CTNNA2: variants seen among roughly 807,000 people sequenced by gnomAD.
CTNNA2 encodes the protein catenin alpha 2, also known as catenin alpha-2.
A neutral mutation model predicts 101.0 loss-of-function variants in CTNNA2; 42 were observed. That is an observed-to-expected ratio of 0.42 (90% CI 0.32 to 0.54). The LOEUF is 0.54. CTNNA2 is among the 20% of genes least tolerant of loss of function. The probability of loss-of-function intolerance (pLI) is 0.14; values close to 1 mark genes in which losing one functional copy is unlikely to be tolerated. For synonymous variants in CTNNA2, 450 were observed against 456.4 expected, an observed-to-expected ratio of 0.99 and a Z score of 0.18; for missense variants, 871 against 1,223.1, an observed-to-expected ratio of 0.71 and a Z score of 4.29.
intron 2 of CTNNA2, among the ~76,000 whole-genome samples, chr2:79,743,921 T>A (rs1166179921): frequency 1.3e-5 from 2 of 152,082 alleles, no homozygotes; most frequent in East Asian, 3.9e-4. Flanking sequence ...AAGTACCGGG[T>A]GTTGGCTACT....
At chr2:79,364,867 T>C (rs1677709722) in intron 3 of CTNNA2, among the ~76,000 whole-genome samples, 1 of 152,236 alleles carries the variant, frequency 6.6e-6, no homozygotes, top group East Asian at 1.9e-4. Context: ...TTTATTTAAA[T>C]TTTGTATATT....
chr2:80,382,858 T>C (rs1202537364), intron 7 of CTNNA2, among the ~76,000 whole-genome samples: 1 of 152,228 alleles, frequency 6.6e-6, no homozygotes, highest in East Asian at 1.9e-4. Flanking sequence ...TTGGGGAATA[T>C]GCACTTAAAA....
intron 1 of CTNNA2, among the ~76,000 whole-genome samples, chr2:79,605,594 A>C (rs1327805269): frequency 6.6e-6 from 1 of 152,102 alleles, no homozygotes; most frequent in East Asian, 1.9e-4. Flanking sequence ...ATATGGAAAC[A>C]GTATATTTCT....
At position 80,371,328 on chromosome 2, in the gene CTNNA2, C is replaced by T. The variant is rs559993400; in HGVS notation, c.1057-21883C>T. On this transcript the variant is annotated intron_variant, in intron 7 of 18. Coordinates refer to ENST00000402739, the MANE Select transcript of CTNNA2 (RefSeq NM_001282597.3). ...GCCAATTCTGATTTTAACATTTACC[C>T]ATAGCAGTCATTATCAGCAAATATG... Among the ~76,000 whole-genome samples, 3 of 152,268 alleles carry T rather than the reference C, an allele frequency of 2.0e-5. No homozygotes were observed. In the East Asian group the frequency reaches 5.8e-4, roughly 29 times the overall value.
intron 4 of CTNNA2, among the ~76,000 whole-genome samples, chr2:79,401,806 AAAAT>A (rs1380548144): frequency 6.6e-6 from 1 of 151,608 alleles, no homozygotes; most frequent in Non-Finnish European, 1.5e-5. Context: ...TATTCAAAAG[AAAAT>A]AAATATATTT....
At chr2:79,392,956 T>C (rs1678191517) in intron 4 of CTNNA2, among the ~76,000 whole-genome samples, 2 of 152,224 alleles carry the variant, frequency 1.3e-5, no homozygotes. Context: ...TCCATCTCTT[T>C]ATCACCTCTG....
At chr2:79,592,278 G>T (rs771207395) in intron 1 of CTNNA2, among the ~76,000 whole-genome samples, 1 of 151,500 alleles carries the variant, frequency 6.6e-6, no homozygotes, top group African/African-American at 2.4e-5. Context: ...CCAACACCAC[G>T]CCCAGCTAAT....
intron 4 of CTNNA2, among the ~76,000 whole-genome samples, chr2:79,467,520 C>T (rs1482166806): frequency 6.6e-6 from 1 of 152,090 alleles, no homozygotes; most frequent in Non-Finnish European, 1.5e-5. Flanking sequence ...TCAGGAAATA[C>T]AGAGAATGCC....
At chr2:80,130,788 TA>T (rs1702372485) in intron 7 of CTNNA2, among the ~76,000 whole-genome samples, 1 of 151,594 alleles carries the variant, frequency 6.6e-6, no homozygotes, top group Non-Finnish European at 1.5e-5. Context: ...AGTTGCTTTT[TA>T]AAATGTTAAT....
chr2:80,095,611 T>C (rs1170189665), intron 7 of CTNNA2, among the ~76,000 whole-genome samples: 2 of 152,180 alleles, frequency 1.3e-5, no homozygotes, highest in African/African-American at 2.4e-5. Flanking sequence ...TAGTAGAATT[T>C]GGCTGTGAAT....
intron 9 of CTNNA2, among the ~76,000 whole-genome samples, chr2:80,448,012 G>A (rs1387106668): frequency 1.3e-5 from 2 of 152,154 alleles, no homozygotes; most frequent in South Asian, 2.1e-4. Context: ...TAAAGTCTCC[G>A]ATAACTAAAC....
intron 4 of CTNNA2, among the ~76,000 whole-genome samples, chr2:79,407,030 T>G (rs545032776): frequency 3.3e-3 from 500 of 152,198 alleles, no homozygotes; most frequent in Non-Finnish European, 4.7e-3. Context: ...CCTGCACTTA[T>G]AGTGCATTTA....
intron 2 of CTNNA2, among the ~76,000 whole-genome samples, chr2:79,286,634 A>C (rs1028844807): frequency 1.3e-5 from 2 of 152,078 alleles, no homozygotes; most frequent in African/African-American, 2.4e-5. Context: ...CTGTTAGTCT[A>C]ATGGGCTTCC....
chr2:79,674,178 T>C (rs1683035968), intron 2 of CTNNA2, among the ~76,000 whole-genome samples: 2 of 152,204 alleles, frequency 1.3e-5, no homozygotes, highest in Non-Finnish European at 2.9e-5. Context: ...AAATGGTATG[T>C]TCAAATAAAT....
intron 7 of CTNNA2, among the ~76,000 whole-genome samples, chr2:80,368,892 G>T (rs572004935): frequency 1.5e-5 from 2 of 130,668 alleles, no homozygotes; most frequent in Non-Finnish European, 3.4e-5. Flanking sequence ...TATTTGGCAC[G>T]CTAGGCTAGT....
intron 7 of CTNNA2, among the ~76,000 whole-genome samples, chr2:80,363,128 T>TA (rs1674577533): frequency 6.6e-6 from 1 of 152,166 alleles, no homozygotes; most frequent in African/African-American, 2.4e-5. Flanking sequence ...TATTTTGGTT[T>TA]AAAAAATCCT....
At chr2:79,376,452 TTTTG>T (rs1263604790) in intron 4 of CTNNA2, among the ~76,000 whole-genome samples, 1 of 10,480 alleles carries the variant, frequency 9.5e-5, no homozygotes, top group African/African-American at 2.4e-4. Flanking sequence ...TGTTGGTTGG[TTTTG>T]TTTTTGTTTT....
chr2:79,338,468 G>C (rs1487030043), intron 3 of CTNNA2, among the ~76,000 whole-genome samples: 1 of 152,122 alleles, frequency 6.6e-6, no homozygotes, highest in African/African-American at 2.4e-5. Context: ...AACAAGATGG[G>C]AGGGTGAATG....
chr2:79,566,706 C>G (rs961579517), intron 1 of CTNNA2, among the ~76,000 whole-genome samples: 4 of 151,964 alleles, frequency 2.6e-5, no homozygotes, highest in Admixed American at 6.6e-5. Flanking sequence ...TGGAAAAACT[C>G]TAGGAAAAAA....
Sources: gnomAD v4.1 joint callset for allele counts (sites outside exome capture counted in the v4.1 genomes callset) on GRCh38, gnomAD v4.1.1 for gene constraint, MANE v1.5 for transcripts, NCBI Gene and HGNC (gene_info 2026-07-23, HGNC 2026-07-21) for gene names.